The following TPD52L1 variants were observed in gnomAD, a reference collection of about 807,000 sequenced individuals.
The protein encoded by TPD52L1 is TPD52 like 1.
Under a neutral mutation model 28.7 loss-of-function variants are expected in TPD52L1, and 18 were observed. That is an observed-to-expected ratio of 0.63 (90% CI 0.43 to 0.93). The LOEUF (loss-of-function observed/expected upper bound fraction) is 0.93, where lower values mean the gene tolerates loss of function less well. Among genes scored for constraint, TPD52L1 ranks in the 40% least tolerant of loss-of-function variants. TPD52L1 has a pLI of 0.00. For missense variants in TPD52L1, 203 were observed against 254.8 expected, an observed-to-expected ratio of 0.80 and a Z score of 1.39; for synonymous variants, 75 against 88.8, an observed-to-expected ratio of 0.84 and a Z score of 0.88.
At chr6:125,172,160 T>TTTC (rs1791426503) in intron 1 of TPD52L1, among the ~76,000 whole-genome samples, 6 of 53,900 alleles carry the variant, frequency 1.1e-4, no homozygotes, top group Non-Finnish European at 1.6e-4. Flanking sequence ...TTCTTTCTTT[T>TTTC]CTTTCTTTCT....
intron 1 of TPD52L1, among the ~76,000 whole-genome samples, chr6:125,211,286 TC>T (rs1223284739): frequency 4.0e-5 from 6 of 151,054 alleles, no homozygotes; most frequent in African/African-American, 1.5e-4. Context: ...TATCTATCTA[TC>T]TATCTATCTA....
intron 1 of TPD52L1, chr6:125,154,249 C>G: frequency 9.7e-6 from 12 of 1,238,184 alleles, no homozygotes; most frequent in Non-Finnish European, 1.2e-5. Flanking sequence ...CGCAGCCAGT[C>G]GCCCCTGGCC....
chr6:125,242,732 T>G (rs1796687114), intron 3 of TPD52L1, among the ~76,000 whole-genome samples: 1 of 152,142 alleles, frequency 6.6e-6, no homozygotes, highest in Admixed American at 6.5e-5. Flanking sequence ...GGTTGGTGGT[T>G]TTTAATCCAT....
intron 1 of TPD52L1, among the ~76,000 whole-genome samples, chr6:125,214,049 G>A (rs891837642): frequency 6.6e-6 from 1 of 152,164 alleles, no homozygotes; most frequent in Admixed American, 6.5e-5. Context: ...AGCTGTAGAA[G>A]GGAGCTACCT....
intron 3 of TPD52L1, among the ~76,000 whole-genome samples, chr6:125,233,653 A>G (rs907389978): frequency 6.6e-6 from 1 of 152,226 alleles, no homozygotes; most frequent in African/African-American, 2.4e-5. Flanking sequence ...GAAATGCTGC[A>G]TATTCAACCA....
chr6:125,235,101 C>CAATAATAATAATAATAATAATAAT (rs147249181), intron 3 of TPD52L1, among the ~76,000 whole-genome samples: 43 of 142,546 alleles, frequency 3.0e-4, no homozygotes, highest in South Asian at 4.6e-4. Context: ...CTACAAATAA[C>CAATAATAATAATAATAATAATAAT]AATAATAATA....
intron 1 of TPD52L1, among the ~76,000 whole-genome samples, chr6:125,162,542 G>A (rs1034949292): frequency 7.2e-5 from 11 of 152,116 alleles, no homozygotes; most frequent in Non-Finnish European, 1.6e-4. Flanking sequence ...TGCAGTAATA[G>A]CAAATATTTG....
In TPD52L1 at chr6:125,229,255, G is replaced by A; in HGVS notation, c.273G>A (p.Gln91=). ...TCAGCAAAAGCTGGCATGACATGCA[G>A]ACTACCACTGCGTAAGTATCATATG... The part of the protein sequence containing the change: ...QNFSKSWHDM[Q]TTTAYKKTHE... Residue 91 remains glutamine (Q), a synonymous_variant, in exon 3 of 7, where the codon CAG becomes CAA. Coordinates refer to ENST00000534000, the MANE Select transcript of TPD52L1 (RefSeq NM_003287.4). 2 of 1,612,870 alleles carry A rather than the reference G, an allele frequency of 1.2e-6. No individual in the cohort carries two copies. Among genetic ancestry groups the A allele is most frequent in the South Asian group, 1.1e-5 (1 of 90,904 alleles).
At chr6:125,207,158 C>T (rs774879422) in intron 1 of TPD52L1, among the ~76,000 whole-genome samples, 3 of 152,086 alleles carry the variant, frequency 2.0e-5, no homozygotes, top group Admixed American at 6.5e-5. Context: ...TCCTAGTGGT[C>T]GATGTGGGGA....
chr6:125,178,656 A>ATATATATATATAT (rs1383661753), intron 1 of TPD52L1, among the ~76,000 whole-genome samples: 146 of 149,520 alleles, frequency 9.8e-4, no homozygotes, highest in African/African-American at 3.5e-3. Context: ...AAAACAAAAC[A>ATATATATATATAT]AAATATATAT....
intron 2 of TPD52L1, 74 bp from the exon 3 acceptor site, chr6:125,229,044 T>C (rs1582973424): frequency 6.6e-7 from 1 of 1,505,840 alleles, no homozygotes. Context: ...TGCTTTGGAA[T>C]ACCCAGAGCT....
chr6:125,219,833 CTTGTCCTGTTTACA>C lies in TPD52L1; in HGVS notation c.20-243_20-230del, dbSNP rs1467383762. The C allele has an allele frequency of 2.9e-5, 14 of 480,328 alleles. No homozygotes were observed. In the East Asian group the frequency reaches 4.1e-4, roughly 14 times the overall value. 29.8% of individuals were successfully genotyped at this position (480,328 alleles called of 1,614,324 possible). On this transcript the variant is annotated intron_variant, in intron 1 of 6. Coordinates refer to ENST00000534000, the MANE Select transcript of TPD52L1 (RefSeq NM_003287.4). ...TGGTAAATGTAGACCTCCCTGAAAGCTTGTCCTGTTTACATCTCTGCCTTCTCATTTTCTCTTAA... is the reference window on the plus strand; with the variant it reads ...TGGTAAATGTAGACCTCCCTGAAAGCTCTCTGCCTTCTCATTTTCTCTTAA...
chr6:125,182,387 A>C (rs1440729076), intron 1 of TPD52L1, among the ~76,000 whole-genome samples: 4 of 152,062 alleles, frequency 2.6e-5, no homozygotes, highest in African/African-American at 9.7e-5. Flanking sequence ...GTCGTGAGCA[A>C]AGTGTTGCAG....
intron 1 of TPD52L1, among the ~76,000 whole-genome samples, chr6:125,218,919 C>T (rs1411894411): frequency 6.6e-6 from 1 of 152,170 alleles, no homozygotes; most frequent in Non-Finnish European, 1.5e-5. Context: ...GAAAAAAACT[C>T]AGCAAAGCAA....
intron 1 of TPD52L1, among the ~76,000 whole-genome samples, chr6:125,204,605 T>G (rs560698): frequency 0.27 from 41,053 of 151,766 alleles, 6,647 homozygotes; most frequent in African/African-American, 0.45. Flanking sequence ...TCAGCCTCCC[T>G]AGTAGCTGGG....
At chr6:125,179,696 A>G (rs1792060643) in intron 1 of TPD52L1, among the ~76,000 whole-genome samples, 1 of 152,200 alleles carries the variant, frequency 6.6e-6, no homozygotes, top group Admixed American at 6.5e-5. Context: ...GATAGCTTCA[A>G]TATGTCAGGA....
At chr6:125,200,408 T>A (rs933642656) in intron 1 of TPD52L1, among the ~76,000 whole-genome samples, 3 of 152,238 alleles carry the variant, frequency 2.0e-5, no homozygotes. Flanking sequence ...TTTTGAATAA[T>A]TTAGCATGTC....
chr6:125,241,350 G>A (rs1282500482), intron 3 of TPD52L1, among the ~76,000 whole-genome samples: 1 of 152,002 alleles, frequency 6.6e-6, no homozygotes, highest in Non-Finnish European at 1.5e-5. Context: ...TGATCTGGGA[G>A]GATTTCCTCT....
chr6:125,258,306 G>A (rs137921505), intron 6 of TPD52L1, among the ~76,000 whole-genome samples: 8 of 152,200 alleles, frequency 5.3e-5, no homozygotes, highest in African/African-American at 1.4e-4. Flanking sequence ...CAGTTTCACC[G>A]CTCTGCATGC....
Sources: gnomAD v4.1 joint callset for allele counts (sites outside exome capture counted in the v4.1 genomes callset) on GRCh38, gnomAD v4.1.1 for gene constraint, MANE v1.5 for transcripts, NCBI Gene and HGNC (gene_info 2026-07-23, HGNC 2026-07-21) for gene names.